ITPR2: variants seen among roughly 807,000 people sequenced by gnomAD.
The protein encoded by ITPR2 is inositol 1,4,5-trisphosphate-gated calcium channel ITPR2.
ITPR2 carries 207 observed loss-of-function variants against 317.1 expected under a neutral mutation model. That is an observed-to-expected ratio of 0.65 (90% CI 0.58 to 0.73). The LOEUF is 0.73. Among genes scored for constraint, ITPR2 ranks in the 30% least tolerant of loss-of-function variants. The pLI, the probability that ITPR2 is intolerant of heterozygous loss-of-function variation, is 0.00. For missense variants in ITPR2, 2,613 were observed against 3,284.0 expected, an observed-to-expected ratio of 0.80 and a Z score of 4.99; for synonymous variants, 1,156 against 1,149.1, an observed-to-expected ratio of 1.01 and a Z score of -0.12.
chr12:26,359,114 C>T (rs1938737694), intron 55 of ITPR2, among the ~76,000 whole-genome samples: 2 of 152,000 alleles, frequency 1.3e-5, no homozygotes, highest in South Asian at 4.1e-4. Flanking sequence ...GCTTTACTTC[C>T]TTTGTTTCTA....
intron 2 of ITPR2, among the ~76,000 whole-genome samples, chr12:26,761,016 A>G (rs1452821379): frequency 6.6e-6 from 1 of 152,130 alleles, no homozygotes; most frequent in East Asian, 1.9e-4. Context: ...CCATAGGTTC[A>G]GGCTTAAGGG....
chr12:26,420,584 C>T (rs1336458880), intron 49 of ITPR2, among the ~76,000 whole-genome samples: 1 of 152,092 alleles, frequency 6.6e-6, no homozygotes, highest in Non-Finnish European at 1.5e-5. Context: ...CCAAACCTTT[C>T]CTAAATTTCT....
At chr12:26,573,592 G>T (rs968170112) in intron 34 of ITPR2, among the ~76,000 whole-genome samples, 28 of 152,232 alleles carry the variant, frequency 1.8e-4, no homozygotes, top group Middle Eastern at 3.4e-3. Flanking sequence ...TGCATGGGGG[G>T]TGTTCTGGAA....
rs188744219 is a variant in ITPR2, at chr12:26,747,285, A to T, written c.164-21520T>A. Among the ~76,000 whole-genome samples, 29 of 152,298 alleles carry T rather than the reference A, an allele frequency of 1.9e-4. No homozygotes were observed. The East Asian group carries it at 5.2e-3, about 27-fold the overall frequency. On this transcript the variant is annotated intron_variant, in intron 2 of 56. Transcript: ENST00000381340. The stretch of plus-strand genomic sequence containing the variant: ...AGCTAAGAGCTCTGAAAATGCCGGT[A>T]ATCACTTAAGGCTTTTGTCCTCACT...
At chr12:26,411,041 T>G (rs1038156275) in intron 52 of ITPR2, among the ~76,000 whole-genome samples, 1 of 152,314 alleles carries the variant, frequency 6.6e-6, no homozygotes, top group South Asian at 2.1e-4. Context: ...CTTAGTGTGG[T>G]TTGCAATATG....
At chr12:26,508,419 AAC>A (rs2136908519) in intron 37 of ITPR2, among the ~76,000 whole-genome samples, 1 of 152,336 alleles carries the variant, frequency 6.6e-6, no homozygotes, top group African/African-American at 2.4e-5. Flanking sequence ...TTTGCAATCG[AAC>A]AGTTATTTCA....
intron 55 of ITPR2, among the ~76,000 whole-genome samples, chr12:26,371,263 C>T (rs1939180839): frequency 6.6e-6 from 1 of 152,316 alleles, no homozygotes; most frequent in South Asian, 2.1e-4. Context: ...TGTCAGCAAG[C>T]AGTTTTCTTA....
At chr12:26,782,019 TATATATATATATATGTATAGAGAG>T (rs1950095568) in intron 2 of ITPR2, among the ~76,000 whole-genome samples, 4 of 36,366 alleles carry the variant, frequency 1.1e-4, no homozygotes, top group East Asian at 9.6e-4. Context: ...TATATATATA[TATATATATATATATGTATAGAGAG>T]AGAGAGAGAG....
At chr12:26,676,007 A>T (rs1488592561) in intron 13 of ITPR2, among the ~76,000 whole-genome samples, 1 of 151,942 alleles carries the variant, frequency 6.6e-6, no homozygotes, top group Non-Finnish European at 1.5e-5. Context: ...AAAATACAAA[A>T]ATTAGCTAGG....
At chr12:26,832,638 G>T in intron 1 of ITPR2, 52 bp downstream of exon 1, 1 of 1,392,448 alleles carries the variant, frequency 7.2e-7, no homozygotes, top group East Asian at 2.6e-5. Flanking sequence ...GACAGGGACT[G>T]GTTCCCAGGA....
rs150551298 is a variant in ITPR2, at chr12:26,446,968, T to C, written c.6343-3318A>G. On this transcript the variant is annotated intron_variant, in intron 45 of 56. Transcript: ENST00000381340. Reference sequence around the variant, plus strand: ...TTGACTCATGAGGCTTATTTTCTCCTCCCTGTTCTGTGTTCTGATAGTGCC... The same window carrying C: ...TTGACTCATGAGGCTTATTTTCTCCCCCCTGTTCTGTGTTCTGATAGTGCC... Among the ~76,000 whole-genome samples, 444 of 152,158 alleles carry C rather than the reference T, an allele frequency of 2.9e-3. 12 individuals carry two copies. The highest frequency in any genetic ancestry group is 0.026 in the Admixed American group (403 of 15,262).
intron 21 of ITPR2, among the ~76,000 whole-genome samples, chr12:26,653,504 T>A (rs1390476634): frequency 6.6e-6 from 1 of 152,174 alleles, no homozygotes; most frequent in East Asian, 1.9e-4. Context: ...CCTCCCAAAG[T>A]GCTAGGATTA....
At chr12:26,429,993 T>C (rs539027281) in intron 48 of ITPR2, among the ~76,000 whole-genome samples, 155 of 152,334 alleles carry the variant, frequency 1.0e-3, no homozygotes, top group African/African-American at 3.7e-3. Flanking sequence ...CCATATCTGG[T>C]TTGCTGAGAT....
intron 55 of ITPR2, among the ~76,000 whole-genome samples, chr12:26,347,463 G>C (rs1257116171): frequency 6.6e-6 from 1 of 152,142 alleles, no homozygotes; most frequent in East Asian, 1.9e-4. Flanking sequence ...AATTCCATAA[G>C]GTAGGGACTA....
intron 36 of ITPR2, among the ~76,000 whole-genome samples, chr12:26,552,774 T>C (rs1944559081): frequency 6.6e-6 from 1 of 152,232 alleles, no homozygotes; most frequent in Admixed American, 6.5e-5. Context: ...TCTTTAAATA[T>C]GGGAAAATCG....
Position 26,428,015 on chromosome 12 carries a change from G to C in ITPR2, c.6843C>G (p.Phe2281Leu). The C allele has an allele frequency of 1.2e-6, 2 of 1,612,932 alleles. No homozygotes were observed. The highest frequency in any genetic ancestry group is 1.7e-6 in the Non-Finnish European group (2 of 1,179,376). The change falls in exon 49 of 57, where the codon TTC becomes TTG. Residue 2281 changes from phenylalanine (F) to leucine (L), a missense_variant. Phe to Leu is a conservative substitution (Grantham distance 22). Coordinates refer to ENST00000381340, the MANE Select transcript of ITPR2 (RefSeq NM_002223.4). ...VAICTSMLFF[F>L]SKPVGIRPFL... ...ACGGCCGAATACCCACAGGCTTGGA[G>C]AAGAAAAACAGCATAGATGTGCAGA...
chr12:26,541,263 G>A (rs1944253024), intron 37 of ITPR2, among the ~76,000 whole-genome samples: 3 of 152,064 alleles, frequency 2.0e-5, no homozygotes, highest in Non-Finnish European at 4.4e-5. Flanking sequence ...GTTGCAGTGA[G>A]CTGAGATCAC....
rs769636976 is a variant in ITPR2 at position 26,628,179 on chromosome 12, G to C, written c.2935-17C>G. ...CAGGATAAACTATAAGAAACATTAA[G>C]AACAACATAAATTTCTTTCATTAGC... On this transcript the variant is annotated splice_polypyrimidine_tract_variant and intron_variant, in intron 22 of 56. Coordinates refer to ENST00000381340, the MANE Select transcript of ITPR2 (RefSeq NM_002223.4). 2.5e-6 allele frequency: 4 copies of C among 1,571,338 alleles called. No homozygotes were observed. Among genetic ancestry groups the C allele is most frequent in the African/African-American group, 1.4e-5 (1 of 73,014 alleles).
At chr12:26,718,389 A>G (rs1316363041) in intron 5 of ITPR2, among the ~76,000 whole-genome samples, 1 of 152,054 alleles carries the variant, frequency 6.6e-6, no homozygotes, top group African/African-American at 2.4e-5. Context: ...CTTCCAATTC[A>G]AGAATACTTT....
Sources: allele counts gnomAD v4.1 joint callset (sites outside exome capture counted in the v4.1 genomes callset), GRCh38; gene constraint gnomAD v4.1.1; transcripts MANE v1.5; gene names NCBI Gene and HGNC (gene_info 2026-07-23, HGNC 2026-07-21).